The following CALN1 variants were observed in gnomAD, a reference collection of about 807,000 sequenced individuals.
CALN1 encodes calcium-binding protein 8.
In CALN1, 17 loss-of-function variants were observed where a neutral mutation model predicts 30.6. That is an observed-to-expected ratio of 0.56 (90% confidence interval 0.38 to 0.83). The LOEUF (loss-of-function observed/expected upper bound fraction) is 0.83, where lower values mean the gene tolerates loss of function less well. Ranked by LOEUF, CALN1 falls within the 40% of genes least tolerant of loss-of-function variation. The pLI is 0.00. For missense variants in CALN1, 291 were observed against 354.9 expected (o/e 0.82, Z 1.45); for synonymous variants, 156 against 131.4 (o/e 1.19, Z -1.28).
chr7:72,310,491 A>G (rs1228402844), intron 2 of CALN1, among the ~76,000 whole-genome samples: 3 of 151,736 alleles, frequency 2.0e-5, no homozygotes, highest in Non-Finnish European at 4.4e-5. Flanking sequence ...TTCTGTGGTT[A>G]TAATATTGAC....
At chr7:72,246,690 T>C (rs1031916141) in intron 3 of CALN1, among the ~76,000 whole-genome samples, 1 of 151,732 alleles carries the variant, frequency 6.6e-6, no homozygotes, top group Non-Finnish European at 1.5e-5. Context: ...TCTTGTTTTG[T>C]CCAGGACTAT....
intron 5 of CALN1, among the ~76,000 whole-genome samples, chr7:71,918,400 C>CAAAA (rs1322084410): frequency 6.6e-6 from 1 of 152,176 alleles, no homozygotes; most frequent in Non-Finnish European, 1.5e-5. Flanking sequence ...AGCAAAAATG[C>CAAAA]TAACAGCTCT....
At chr7:72,318,868 A>G (rs964632814) in intron 2 of CALN1, among the ~76,000 whole-genome samples, 5 of 141,160 alleles carry the variant, frequency 3.5e-5, no homozygotes, top group African/African-American at 1.0e-4. Context: ...AAGTCAAAAG[A>G]AAAAAAAAAA....
intron 1 of CALN1, among the ~76,000 whole-genome samples, chr7:72,428,489 T>C (rs1348997564): frequency 6.6e-6 from 1 of 151,890 alleles, no homozygotes; most frequent in Non-Finnish European, 1.5e-5. Context: ...CATCCTGGGC[T>C]CAAGTGATCC....
At chr7:72,380,357 T>C (rs530880318) in intron 2 of CALN1, among the ~76,000 whole-genome samples, 1 of 152,344 alleles carries the variant, frequency 6.6e-6, no homozygotes, top group Admixed American at 6.5e-5. Context: ...AGAGGTAGGC[T>C]GGGTGCAGTG....
At chr7:72,156,084 A>G (rs1787659370) in intron 3 of CALN1, among the ~76,000 whole-genome samples, 1 of 152,130 alleles carries the variant, frequency 6.6e-6, no homozygotes, top group South Asian at 2.1e-4. Context: ...TAGGACATGA[A>G]CATCTTTGCA....
rs540894201 is a variant in CALN1, at chr7:71,782,917, A to AT, written c.*4857dup. 1,970 of 142,704 alleles carry AT rather than the reference A, an allele frequency of 0.014. 41 individuals carry two copies. The highest frequency in any genetic ancestry group is 0.04 in the African/African-American group (1,569 of 39,074). The allele number at this position is 142,704 out of a possible 1,614,324, so 8.8% of individuals were successfully genotyped here. On this transcript the variant is annotated 3_prime_UTR_variant, in exon 7 of 7. Transcript: ENST00000395275. ...GACACCATGCTTGGCTAATTTTTGT[A>AT]TTTTTTTTTTTTAGTAGAGATGGGG...
At chr7:72,193,717 G>T (rs1355437386) in intron 3 of CALN1, among the ~76,000 whole-genome samples, 2 of 152,092 alleles carry the variant, frequency 1.3e-5, no homozygotes, top group Non-Finnish European at 2.9e-5. Context: ...CATATAAAAG[G>T]TTCAGTAAAA....
intron 5 of CALN1, among the ~76,000 whole-genome samples, chr7:71,902,413 T>TA (rs1476215575): frequency 6.6e-6 from 1 of 152,000 alleles, no homozygotes; most frequent in African/African-American, 2.4e-5. Flanking sequence ...TAAATAACAG[T>TA]AAAAAATAAC....
At chr7:72,165,879 GA>G (rs1054488287) in intron 3 of CALN1, among the ~76,000 whole-genome samples, 1 of 152,038 alleles carries the variant, frequency 6.6e-6, no homozygotes, top group Non-Finnish European at 1.5e-5. Flanking sequence ...AATTCAGATG[GA>G]AACCCTTGAA....
chr7:72,374,219 G>A (rs1804410183), intron 2 of CALN1, among the ~76,000 whole-genome samples: 1 of 152,198 alleles, frequency 6.6e-6, no homozygotes, highest in Non-Finnish European at 1.5e-5. Flanking sequence ...GAATTTAATA[G>A]ACTATTCTTC....
chr7:71,997,471 G>A (rs1799312505), intron 5 of CALN1, among the ~76,000 whole-genome samples: 1 of 152,158 alleles, frequency 6.6e-6, no homozygotes, highest in African/African-American at 2.4e-5. Flanking sequence ...CAGAGTCCCA[G>A]AAGGAGAGGA....
the CALN1 span, among the ~76,000 whole-genome samples, chr7:72,468,427 C>T: frequency 6.6e-6 from 1 of 152,210 alleles, no homozygotes; most frequent in Admixed American, 6.5e-5. Context: ...AATCCTCTCA[C>T]ATCAGCCTAC....
the CALN1 span, among the ~76,000 whole-genome samples, chr7:72,483,267 C>CTTTTA: frequency 7.1e-6 from 1 of 140,204 alleles, no homozygotes; most frequent in African/African-American, 2.6e-5. Flanking sequence ...TGGTTTTTTT[C>CTTTTA]CTTTTTCTTT....
intron 5 of CALN1, among the ~76,000 whole-genome samples, chr7:71,877,646 AAC>A (rs1792326404): frequency 6.8e-6 from 1 of 147,598 alleles, no homozygotes; most frequent in East Asian, 2.4e-4. Context: ...ATAAAAAAAA[AAC>A]GATGGAGAAA....
the CALN1 span, among the ~76,000 whole-genome samples, chr7:72,485,376 T>C: frequency 8.5e-5 from 13 of 152,076 alleles, no homozygotes; most frequent in African/African-American, 1.7e-4. Flanking sequence ...CTGAGCAACA[T>C]AGCAAGACCC....
At chr7:72,284,839 A>G (rs1461170177) in intron 2 of CALN1, among the ~76,000 whole-genome samples, 1 of 152,186 alleles carries the variant, frequency 6.6e-6, no homozygotes, top group East Asian at 1.9e-4. Context: ...AGATAGATAG[A>G]TAGAGATATA....
intron 4 of CALN1, among the ~76,000 whole-genome samples, chr7:72,094,546 G>A (rs1806088840): frequency 1.3e-5 from 2 of 152,126 alleles, no homozygotes; most frequent in South Asian, 4.1e-4. Context: ...GAGCCACCAT[G>A]CCTGGCCCAG....
intron 4 of CALN1, among the ~76,000 whole-genome samples, chr7:72,054,520 CATATATACAT>C (rs1803108765): frequency 8.5e-6 from 1 of 117,630 alleles, no homozygotes; most frequent in African/African-American, 4.0e-5. Context: ...CATATATATA[CATATATACAT>C]ACATATATAT....
Sources: allele counts gnomAD v4.1 joint callset (sites outside exome capture counted in the v4.1 genomes callset), GRCh38; gene constraint gnomAD v4.1.1; transcripts MANE v1.5; gene names NCBI Gene and HGNC (gene_info 2026-07-23, HGNC 2026-07-21).